Variants in KLHL6 observed in about 807,000 individuals in gnomAD.
KLHL6 encodes the protein kelch like family member 6, also known as kelch-like protein 6.
KLHL6 carries 41 observed loss-of-function variants against 58.6 expected under a neutral mutation model. The ratio of observed to expected loss-of-function variants is 0.70; its 90% CI spans 0.55 to 0.91. KLHL6 has a LOEUF of 0.91. Ranked by LOEUF, KLHL6 falls within the 40% of genes least tolerant of loss-of-function variation. The pLI is 0.00. For synonymous variants in KLHL6, 338 were observed against 322.7 expected (o/e 1.05, Z -0.51); for missense variants, 714 against 805.6 (o/e 0.89, Z 1.38).
chr3:183,521,942 G>C (rs372252590), intron 2 of KLHL6, among the ~76,000 whole-genome samples: 6 of 149,584 alleles, frequency 4.0e-5, no homozygotes, highest in African/African-American at 1.5e-4. Context: ...TGATCCGCCC[G>C]CCTCCACCTC....
Position 183,555,609 on chromosome 3 carries a change from C to CA in KLHL6, c.44dup (p.Val16GlyfsTer15). On this transcript the variant is annotated frameshift_variant, in exon 1 of 7. Coordinates refer to ENST00000341319, the MANE Select transcript of KLHL6 (RefSeq NM_130446.4). LOFTEE classifies it high-confidence loss of function. ...GGGGCCCTTCCAAACTCTTCTCGAC[C>CA]ACATCACCCATGGTCCAGGCGCCCC... 2 of 1,612,578 alleles carry CA rather than the reference C, an allele frequency of 1.2e-6. No homozygotes were observed. Among genetic ancestry groups the CA allele is most frequent in the Non-Finnish European group, 1.7e-6 (2 of 1,179,454 alleles).
At chr3:183,552,918 C>T (rs968569442) in intron 1 of KLHL6, among the ~76,000 whole-genome samples, 2 of 151,970 alleles carry the variant, frequency 1.3e-5, no homozygotes, top group African/African-American at 4.8e-5. Flanking sequence ...TTTGGCTCAC[C>T]GTCGGTAGGC....
At chr3:183,528,920 G>T (rs1445749333) in intron 1 of KLHL6, among the ~76,000 whole-genome samples, 1 of 152,102 alleles carries the variant, frequency 6.6e-6, no homozygotes, top group Non-Finnish European at 1.5e-5. Flanking sequence ...GTGATAGACT[G>T]GATAAAGAAA....
intron 4 of KLHL6, among the ~76,000 whole-genome samples, chr3:183,494,896 G>A (rs1717673547): frequency 6.6e-6 from 1 of 152,180 alleles, no homozygotes; most frequent in Non-Finnish European, 1.5e-5. Flanking sequence ...TCATTTGAGA[G>A]TGATCTGGTA....
intron 2 of KLHL6, among the ~76,000 whole-genome samples, chr3:183,518,295 C>T (rs1427650451): frequency 6.6e-6 from 1 of 152,202 alleles, no homozygotes; most frequent in African/African-American, 2.4e-5. Context: ...GAACATAAAA[C>T]TCACCTCGCA....
intron 1 of KLHL6, among the ~76,000 whole-genome samples, chr3:183,528,259 T>C (rs1319546413): frequency 6.6e-6 from 1 of 152,166 alleles, no homozygotes; most frequent in Non-Finnish European, 1.5e-5. Flanking sequence ...CCAGATCTAT[T>C]TTATTGGCTT....
intron 3 of KLHL6, among the ~76,000 whole-genome samples, chr3:183,504,717 G>C (rs1420636116): frequency 1.3e-5 from 2 of 152,072 alleles, no homozygotes; most frequent in Admixed American, 6.5e-5. Context: ...TAACTTTTAG[G>C]TTCAGCATGT....
chr3:183,509,307 T>C (rs1031519177), intron 2 of KLHL6, among the ~76,000 whole-genome samples: 7 of 152,246 alleles, frequency 4.6e-5, no homozygotes, highest in African/African-American at 1.7e-4. Flanking sequence ...TTCATGTTTA[T>C]GTTGAAGAAG....
intron 1 of KLHL6, among the ~76,000 whole-genome samples, chr3:183,535,289 A>G (rs1312529168): frequency 6.6e-6 from 1 of 152,184 alleles, no homozygotes; most frequent in Admixed American, 6.5e-5. Context: ...AGTAGGCACA[A>G]TTCAAATGCC....
At chr3:183,517,388 C>T (rs1316635954) in intron 2 of KLHL6, among the ~76,000 whole-genome samples, 1 of 152,220 alleles carries the variant, frequency 6.6e-6, no homozygotes, top group Non-Finnish European at 1.5e-5. Flanking sequence ...CCGGGCGATG[C>T]TCCAGCTCCG....
chr3:183,496,873 C>T (rs1577175744), intron 4 of KLHL6, among the ~76,000 whole-genome samples: 5 of 152,318 alleles, frequency 3.3e-5, no homozygotes, highest in South Asian at 2.1e-4. Context: ...CACAGTGGCT[C>T]GCACCTGTAA....
intron 1 of KLHL6, among the ~76,000 whole-genome samples, chr3:183,528,639 G>A (rs1218291582): frequency 2.0e-5 from 3 of 152,200 alleles, no homozygotes; most frequent in Non-Finnish European, 4.4e-5. Context: ...CAGGGGAAGA[G>A]GATAGAAAGG....
chr3:183,500,422 G>A (rs541185042), intron 3 of KLHL6, among the ~76,000 whole-genome samples: 1 of 152,354 alleles, frequency 6.6e-6, no homozygotes, highest in South Asian at 2.1e-4. Context: ...AACAAGTGAA[G>A]AAATCCATAC....
chr3:183,498,350 G>A (rs981694734), intron 4 of KLHL6, among the ~76,000 whole-genome samples: 3 of 152,204 alleles, frequency 2.0e-5, no homozygotes, highest in African/African-American at 7.2e-5. Context: ...GAGGAAACAC[G>A]CTCTGGGGTC....
chr3:183,541,980 G>A (rs960476992), intron 1 of KLHL6, among the ~76,000 whole-genome samples: 3 of 151,988 alleles, frequency 2.0e-5, no homozygotes, highest in African/African-American at 7.3e-5. Flanking sequence ...TTTGCTTTGT[G>A]TTCCAGCCCT....
intron 2 of KLHL6, among the ~76,000 whole-genome samples, chr3:183,518,194 G>A (rs1368050716): frequency 6.6e-6 from 1 of 152,120 alleles, no homozygotes; most frequent in African/African-American, 2.4e-5. Flanking sequence ...GAAGTTCTGG[G>A]TTTACTTGAA....
At chr3:183,510,613 G>A (rs1476063476) in intron 2 of KLHL6, among the ~76,000 whole-genome samples, 10 of 152,108 alleles carry the variant, frequency 6.6e-5, no homozygotes, top group African/African-American at 1.9e-4. Flanking sequence ...GGTGGCTCAC[G>A]CCTGTAATCC....
At position 183,516,830 on chromosome 3, in the gene KLHL6, C is replaced by T. The variant is rs189750559; in HGVS notation, c.460-8322G>A. On this transcript the variant is annotated intron_variant, in intron 2 of 6. Coordinates refer to ENST00000341319, the MANE Select transcript of KLHL6 (RefSeq NM_130446.4). ...ACATTGATATTCTTACCTTCAGCTC[C>T]GACAAATCAGCATGTGTGAAGGTGT... is the stretch of plus-strand genomic sequence containing the variant. Among the ~76,000 whole-genome samples the T allele has an allele frequency of 6.2e-4, 95 of 152,324 alleles. 1 individual carries two copies. In the South Asian group the frequency reaches 7.2e-3, roughly 12 times the overall value.
At chr3:183,509,684 A>G (rs1180066544) in intron 2 of KLHL6, among the ~76,000 whole-genome samples, 1 of 152,202 alleles carries the variant, frequency 6.6e-6, no homozygotes, top group African/African-American at 2.4e-5. Flanking sequence ...AGATGGCAGA[A>G]CCACACAGAG....
Sources: gnomAD v4.1 joint callset for allele counts (sites outside exome capture counted in the v4.1 genomes callset) on GRCh38, gnomAD v4.1.1 for gene constraint, MANE v1.5 for transcripts, NCBI Gene and HGNC (gene_info 2026-07-23, HGNC 2026-07-21) for gene names.